CACNA1H: variants seen among roughly 807,000 people sequenced by gnomAD.
CACNA1H encodes calcium voltage-gated channel subunit alpha1 H, also known as voltage-dependent T-type calcium channel subunit alpha-1H.
CACNA1H carries 149 observed loss-of-function variants against 192.5 expected under a neutral mutation model. The ratio of observed to expected loss-of-function variants is 0.77; its 90% CI spans 0.68 to 0.89. CACNA1H has a LOEUF of 0.89. CACNA1H is among the 40% of genes least tolerant of loss of function. CACNA1H has a pLI of 0.00. For missense variants in CACNA1H, 4,257 were observed against 3,423.5 expected (o/e 1.24, Z -6.08); for synonymous variants, 2,202 against 1,475.2 (o/e 1.49, Z -11.29).
chr16:1,199,341 CGT>C (rs1967458410), intron 6 of CACNA1H, among the ~76,000 whole-genome samples: 3 of 61,282 alleles, frequency 4.9e-5, no homozygotes, highest in Non-Finnish European at 6.1e-5. Flanking sequence ...CTCCGCCCAC[CGT>C]GCGGTCGCTG....
chr16:1,167,595 T>TAA lies in CACNA1H; in HGVS notation c.299+13559_299+13560insAA. On this transcript the variant is annotated intron_variant, in intron 2 of 34. Transcript: ENST00000348261. The surrounding 1 kb of genome is among the most constrained non-coding windows in gnomAD (Gnocchi z 4.2). ...CTCCTCACCGCGGCGGTGCCACTAA[T>TAA]GGGGTTGCCGTGGCAACGCCTGTCA... Among the ~76,000 whole-genome samples, 2 of 152,304 alleles carry TAA rather than the reference T, an allele frequency of 1.3e-5. No individual in the cohort carries two copies. Among genetic ancestry groups the TAA allele is most frequent in the Middle Eastern group, 3.4e-3 (1 of 294 alleles).
At chr16:1,196,624 C>G (rs1233190749) in intron 5 of CACNA1H, among the ~76,000 whole-genome samples, 6 of 152,148 alleles carry the variant, frequency 3.9e-5, no homozygotes, top group African/African-American at 1.4e-4. Context: ...AGCTGATTTT[C>G]TAGAAGGAAG....
At chr16:1,175,417 CAG>C (rs2151729087) in intron 2 of CACNA1H, among the ~76,000 whole-genome samples, 1 of 152,282 alleles carries the variant, frequency 6.6e-6, no homozygotes, top group East Asian at 1.9e-4. Context: ...TGACAGGAGA[CAG>C]GGTCTGGGGC....
At position 1,208,047 on chromosome 16, in the gene CACNA1H, C is replaced by A; in HGVS notation, c.3189C>A (p.Asn1063Lys). Residue 1063 changes from asparagine to lysine, a missense_variant, in exon 16 of 35, where the codon AAC (asparagine) becomes AAA (lysine). Physicochemically the swap from Asn to Lys is moderately conservative, Grantham distance 94. Coordinates refer to ENST00000348261, the MANE Select transcript of CACNA1H (RefSeq NM_021098.3). ...TGTGTTCCCTGGCCGTGACCCCCAA[C>A]GGGCACCTGGAGGGACGAGGCAGCC... ...LKMCSLAVTP[N>K]GHLEGRGSLS... is the part of the protein sequence containing the mutation. 2 of 1,607,406 alleles carry A rather than the reference C, an allele frequency of 1.2e-6. No individual in the cohort carries two copies. The highest frequency in any genetic ancestry group is 1.7e-6 in the Non-Finnish European group (2 of 1,177,846).
intron 33 of CACNA1H, 98 bp from the exon 34 acceptor site, chr16:1,218,872 A>G (rs1970248805): frequency 1.5e-6 from 2 of 1,326,668 alleles, no homozygotes; most frequent in Non-Finnish European, 2.1e-6. Flanking sequence ...GCTGGCCAGG[A>G]AGGAGGATGG....
At chr16:1,188,250 A>C (rs75105689) in intron 2 of CACNA1H, among the ~76,000 whole-genome samples, 5,446 of 152,156 alleles carry the variant, frequency 0.036, 249 homozygotes, top group African/African-American at 0.11. Flanking sequence ...CTGGGATGTT[A>C]GCTGATGTTT....
chr16:1,189,613 G>A (rs1966410795), intron 2 of CACNA1H, among the ~76,000 whole-genome samples: 2 of 151,604 alleles, frequency 1.3e-5, no homozygotes, highest in South Asian at 2.1e-4. Flanking sequence ...GTAGCAATGG[G>A]GTCTCACTGT....
chr16:1,211,122 A>G (rs1422592025), intron 21 of CACNA1H, 46 bp from the exon 22 acceptor site: 1 of 1,599,720 alleles, frequency 6.3e-7, no homozygotes, highest in Non-Finnish European at 8.5e-7. Context: ...GGCGCCTGGC[A>G]GCTGCTGCCA....
chr16:1,178,387 C>G (rs1337419739), intron 2 of CACNA1H, among the ~76,000 whole-genome samples: 1 of 150,072 alleles, frequency 6.7e-6, no homozygotes, highest in East Asian at 2.0e-4. Context: ...CCCCCGAGTC[C>G]CCATATTCAT....
Position 1,213,769 on chromosome 16 carries a change from C to T in CACNA1H, c.4778-11C>T, listed in dbSNP as rs373022256. ...CCTCCTGCCCGGCGCTCATGGCCGC[C>T]CTCCCCGCAGAGGCCCAGCGCCGGC... is the stretch of plus-strand genomic sequence containing the variant. On this transcript the variant is annotated splice_polypyrimidine_tract_variant and intron_variant, in intron 26 of 34. Transcript: ENST00000348261. 16 of 1,538,038 alleles carry T rather than the reference C, an allele frequency of 1.0e-5. No individual in the cohort carries two copies. Among genetic ancestry groups the T allele is most frequent in the East Asian group, 9.8e-5 (4 of 40,996 alleles).
At chr16:1,203,915 C>A in intron 9 of CACNA1H, 95 bp from the exon 10 acceptor site, 1 of 862,010 alleles carries the variant, frequency 1.2e-6, no homozygotes, top group South Asian at 1.8e-5. Flanking sequence ...CTGGGGGGGA[C>A]ACATTCACCC....
In CACNA1H at chr16:1,220,333, G is replaced by A. The variant is rs1182048956; in HGVS notation, c.6401G>A (p.Arg2134Lys). The change falls in exon 35 of 35, where the codon AGG (arginine) becomes AAG (lysine). Residue 2134 changes from arginine to lysine, a missense_variant. Transcript: ENST00000348261. ...GCCGGCGGCGAGCGGGACCTGCGCA[G>A]GCTCTACAGCGTGGATGCTCAGGGC... is the stretch of plus-strand genomic sequence containing the variant. ...PVAGGERDLR[R>K]LYSVDAQGFL... is the part of the protein sequence containing the mutation. 1 of 1,554,112 alleles carries A rather than the reference G, an allele frequency of 6.4e-7. No homozygotes were observed. Among genetic ancestry groups the A allele is most frequent in the East Asian group, 2.3e-5 (1 of 42,602 alleles).
intron 2 of CACNA1H, among the ~76,000 whole-genome samples, chr16:1,175,878 C>T (rs530163280): frequency 3.3e-5 from 5 of 152,272 alleles, no homozygotes; most frequent in African/African-American, 1.2e-4. Flanking sequence ...TCGGGCAGAC[C>T]TTGGGCTGCC....
chr16:1,211,649 C>A (rs1969463314), intron 23 of CACNA1H, 43 bp downstream of exon 23: 2 of 1,609,292 alleles, frequency 1.2e-6, no homozygotes, highest in Non-Finnish European at 1.7e-6. Flanking sequence ...CTCCAGGACA[C>A]CCTGGAGCGA....
In CACNA1H at chr16:1,200,724, G is replaced by A. The variant is rs1338263000; in HGVS notation, c.1128G>A (p.Thr376=). ...YAWIAIFQVI[T]LEGWVDIMYY... is the part of the protein sequence containing the mutation. The stretch of plus-strand genomic sequence containing the variant: ...AGCCACTGCCCCCCCAGGTGATCAC[G>A]CTGGAAGGCTGGGTGGACATCATGT... The change falls in exon 8 of 35, where the codon ACG becomes ACA. Residue 376 remains threonine, a synonymous_variant. Transcript: ENST00000348261. The A allele has an allele frequency of 1.5e-5, 23 of 1,561,724 alleles. No individual in the cohort carries two copies. The highest frequency in any genetic ancestry group is 3.8e-5 in the Admixed American group (2 of 52,078).
chr16:1,219,211 A>C (rs1970284589), intron 34 of CACNA1H, 81 bp downstream of exon 34: 1 of 1,352,458 alleles, frequency 7.4e-7, no homozygotes, highest in Non-Finnish European at 9.9e-7. Context: ...CTGAAGGACC[A>C]GCAGACGAGG....
At chr16:1,173,616 G>T (rs926608029) in intron 2 of CACNA1H, among the ~76,000 whole-genome samples, 4 of 152,240 alleles carry the variant, frequency 2.6e-5, no homozygotes, top group Admixed American at 6.5e-5. Flanking sequence ...GTGAGAAGAG[G>T]GGCTGTGTTT....
intron 2 of CACNA1H, among the ~76,000 whole-genome samples, chr16:1,176,526 TC>T (rs35907059): frequency 3.1e-4 from 47 of 152,304 alleles, no homozygotes; most frequent in African/African-American, 1.0e-3. Context: ...GGCCAGTACT[TC>T]CCCCCATGCT....
At chr16:1,187,876 C>T (rs150010050) in intron 2 of CACNA1H, among the ~76,000 whole-genome samples, 5 of 152,212 alleles carry the variant, frequency 3.3e-5, no homozygotes, top group Non-Finnish European at 5.9e-5. Flanking sequence ...CTCCGTCCCT[C>T]TGTAGAAACA....
Sources: allele counts gnomAD v4.1 joint callset (sites outside exome capture counted in the v4.1 genomes callset), GRCh38; gene constraint gnomAD v4.1.1; non-coding constraint Gnocchi (gnomAD v3.1); transcripts MANE v1.5; gene names NCBI Gene and HGNC (gene_info 2026-07-23, HGNC 2026-07-21).